The following ASB4 variants were observed in gnomAD, a reference collection of about 807,000 sequenced individuals.
ASB4 encodes the protein ankyrin repeat and SOCS box containing 4, also known as ankyrin repeat and SOCS box protein 4.
Under a neutral mutation model 38.6 loss-of-function variants are expected in ASB4, and 35 were observed. The observed-to-expected ratio is 0.91, with a 90% CI of 0.69 to 1.20. ASB4 has a LOEUF of 1.20. Ranked by LOEUF, ASB4 falls within the 50% of genes most tolerant of loss-of-function variation. ASB4 has a pLI of 0.00. For synonymous variants in ASB4, 195 were observed against 201.3 expected, an observed-to-expected ratio of 0.97 and a Z score of 0.26; for missense variants, 557 against 527.2, an observed-to-expected ratio of 1.06 and a Z score of -0.55.
chr7:95,515,332 C>T (rs867630040), intron 2 of ASB4, among the ~76,000 whole-genome samples: 298 of 119,602 alleles, frequency 2.5e-3, no homozygotes, highest in Middle Eastern at 9.2e-3. Flanking sequence ...TTCCTTCCTT[C>T]CTTTCTTTCT....
chr7:95,540,687 A>G (rs2116664964), downstream of ASB4, among the ~76,000 whole-genome samples: 1 of 152,362 alleles, frequency 6.6e-6, no homozygotes, highest in South Asian at 2.1e-4. Context: ...TGAAACTTAC[A>G]TGAGAGGAAG....
chr7:95,531,057 C>T (rs895849311), intron 3 of ASB4, among the ~76,000 whole-genome samples: 4 of 152,196 alleles, frequency 2.6e-5, no homozygotes, highest in African/African-American at 9.6e-5. Context: ...CAATGCGATG[C>T]AGACTCAGTC....
At chr7:95,492,299 A>T (rs59513981) in intron 1 of ASB4, among the ~76,000 whole-genome samples, 6 of 152,224 alleles carry the variant, frequency 3.9e-5, no homozygotes, top group African/African-American at 1.4e-4. Flanking sequence ...GGAAGTTAGG[A>T]GGAGGAAAAA....
chr7:95,474,681 C>T (rs947326394), upstream of ASB4, among the ~76,000 whole-genome samples: 3 of 152,018 alleles, frequency 2.0e-5, no homozygotes, highest in Admixed American at 6.6e-5. Flanking sequence ...GCCACCATGC[C>T]AGGCTAATTT....
At chr7:95,506,857 C>A (rs890221101) in intron 2 of ASB4, among the ~76,000 whole-genome samples, 1 of 151,900 alleles carries the variant, frequency 6.6e-6, no homozygotes, top group Non-Finnish European at 1.5e-5. Flanking sequence ...CTTCTGCTTT[C>A]TATATGCTCT....
At chr7:95,491,613 A>G (rs572322133) in intron 1 of ASB4, among the ~76,000 whole-genome samples, 57 of 152,332 alleles carry the variant, frequency 3.7e-4, no homozygotes, top group South Asian at 2.3e-3. Context: ...TCATCAGTTA[A>G]TTGTGTTTCT....
chr7:95,533,215 G>A (rs1790842397), intron 3 of ASB4, among the ~76,000 whole-genome samples: 1 of 152,114 alleles, frequency 6.6e-6, no homozygotes, highest in South Asian at 2.1e-4. Flanking sequence ...TTCAGTTTGG[G>A]GGTAGAATGT....
chr7:95,521,493 T>C (rs570408275), intron 2 of ASB4, among the ~76,000 whole-genome samples: 159 of 152,222 alleles, frequency 1.0e-3, no homozygotes, highest in African/African-American at 3.8e-3. Flanking sequence ...TATACACTGA[T>C]GAATATAATT....
In ASB4 at chr7:95,532,045, GC is replaced by G. The variant is rs3834353; in HGVS notation, c.978+3748del. On this transcript the variant is annotated intron_variant, in intron 3 of 4. Coordinates refer to ENST00000325885, the MANE Select transcript of ASB4 (RefSeq NM_016116.3). ...CTCAACAGACTGTGTAGGAGAGCTG[GC>G]CCCCCTCCAAAGGAAAAGTAAAGAA... Among the ~76,000 whole-genome samples the G allele has an allele frequency of 1.1e-4, 17 of 152,212 alleles. No individual in the cohort carries two copies. The East Asian group carries it at 2.9e-3, about 26-fold the overall frequency.
At chr7:95,540,580 C>T (rs1404899814), downstream of ASB4, among the ~76,000 whole-genome samples, 4 of 152,176 alleles carry the variant, frequency 2.6e-5, no homozygotes, top group Non-Finnish European at 5.9e-5. Context: ...GGCAAAGCAA[C>T]AGAGGAAATT....
chr7:95,489,962 T>G (rs1240709308), intron 1 of ASB4, among the ~76,000 whole-genome samples: 1 of 152,244 alleles, frequency 6.6e-6, no homozygotes, highest in East Asian at 1.9e-4. Flanking sequence ...TTCAGATGTA[T>G]GAGCTTTTGC....
At chr7:95,484,955 C>CAT (rs34109833), upstream of ASB4, among the ~76,000 whole-genome samples, 18 of 149,664 alleles carry the variant, frequency 1.2e-4, no homozygotes, top group Non-Finnish European at 1.9e-4. Flanking sequence ...TTTACACACA[C>CAT]ATATATATAT....
chr7:95,509,286 G>A (rs1790450078), intron 2 of ASB4, among the ~76,000 whole-genome samples: 1 of 152,088 alleles, frequency 6.6e-6, no homozygotes, highest in South Asian at 2.1e-4. Context: ...TAATTGGAAG[G>A]AGCAATGGGG....
intron 1 of ASB4, among the ~76,000 whole-genome samples, chr7:95,494,794 A>G (rs1317136863): frequency 1.3e-5 from 2 of 152,224 alleles, no homozygotes; most frequent in Non-Finnish European, 2.9e-5. Context: ...AGCTCAGCGT[A>G]TAGAAGTCAG....
chr7:95,526,773 G>C (rs75539308), intron 2 of ASB4, among the ~76,000 whole-genome samples: 32 of 152,086 alleles, frequency 2.1e-4, no homozygotes, highest in Non-Finnish European at 4.1e-4. Flanking sequence ...ATAATAATAA[G>C]TCTGTACAGA....
intron 2 of ASB4, among the ~76,000 whole-genome samples, chr7:95,518,168 C>G (rs981460337): frequency 2.0e-5 from 3 of 152,174 alleles, no homozygotes; most frequent in Non-Finnish European, 2.9e-5. Context: ...TAGTTTTCAC[C>G]AATATCTTGT....
chr7:95,537,596 T>A lies in ASB4; in HGVS notation c.1118T>A (p.Leu373His). 6.2e-7 allele frequency: 1 copy of A among 1,609,618 alleles called. No individual in the cohort carries two copies. Among genetic ancestry groups the A allele is most frequent in the Non-Finnish European group, 8.5e-7 (1 of 1,177,818 alleles). ...AAATACTGGGATTTTTACCACTCTC[T>A]CTTTACTGTGTGCTGTAACTCTCCA... The part of the protein sequence containing the change: ...LEKYWDFYHS[L>H]FTVCCNSPRT... Residue 373 changes from leucine (L) to histidine (H), a missense_variant, in exon 5 of 5, where the codon CTC becomes CAC. Coordinates refer to ENST00000325885, the MANE Select transcript of ASB4 (RefSeq NM_016116.3).
chr7:95,535,676 C>G (rs1790881037), intron 3 of ASB4, among the ~76,000 whole-genome samples: 1 of 152,158 alleles, frequency 6.6e-6, no homozygotes, highest in South Asian at 2.1e-4. Context: ...GCCATCTTGA[C>G]TAAGCTTTCA....
chr7:95,475,051 G>T (rs576102750), upstream of ASB4, among the ~76,000 whole-genome samples: 3 of 152,252 alleles, frequency 2.0e-5, no homozygotes, highest in Non-Finnish European at 4.4e-5. Context: ...TAGACAAGCT[G>T]TTTTTTATGT....
Sources: allele counts gnomAD v4.1 joint callset (sites outside exome capture counted in the v4.1 genomes callset), GRCh38; gene constraint gnomAD v4.1.1; transcripts MANE v1.5; gene names NCBI Gene and HGNC (gene_info 2026-07-23, HGNC 2026-07-21).